The following TMEM108 variants were observed in gnomAD, a reference collection of about 807,000 sequenced individuals.
TMEM108 encodes cancer/testis antigen 124.
A neutral mutation model predicts 35.1 loss-of-function variants in TMEM108; 12 were observed. The ratio of observed to expected loss-of-function variants is 0.34; its 90% CI spans 0.22 to 0.55. The LOEUF (loss-of-function observed/expected upper bound fraction) is 0.55, where lower values mean the gene tolerates loss of function less well. Among genes scored for constraint, TMEM108 ranks in the 20% least tolerant of loss-of-function variants. The probability of loss-of-function intolerance (pLI) is 0.89; values close to 1 mark genes in which losing one functional copy is unlikely to be tolerated. For synonymous variants in TMEM108, 287 were observed against 308.6 expected (o/e 0.93, Z 0.73); for missense variants, 680 against 753.3 (o/e 0.90, Z 1.14).
chr3:133,145,791 C>T (rs1944711157), intron 2 of TMEM108, among the ~76,000 whole-genome samples: 1 of 152,130 alleles, frequency 6.6e-6, no homozygotes, highest in South Asian at 2.1e-4. Flanking sequence ...TATAGGAATG[C>T]TTGTGATTTT....
At chr3:133,279,551 C>T (rs948566754) in intron 3 of TMEM108, among the ~76,000 whole-genome samples, 1 of 152,158 alleles carries the variant, frequency 6.6e-6, no homozygotes, top group Admixed American at 6.5e-5. Context: ...TGCTCTACTT[C>T]GGGCCATCCC....
rs946773026 is a variant in TMEM108, at chr3:133,167,385, C to T, written c.-46-61881C>T. On this transcript the variant is annotated intron_variant, in intron 2 of 5. Transcript: ENST00000321871. ...CATGGGCAGAGCTGCCTGCCAGTCC[C>T]GCGCTGTGCGCCCGCACTCCTCAGC... Among the ~76,000 whole-genome samples the T allele has an allele frequency of 4.6e-5, 7 of 152,390 alleles. No individual in the cohort carries two copies. The East Asian group carries it at 7.7e-4, about 17-fold the overall frequency.
At chr3:133,212,987 A>G (rs1015665483) in intron 2 of TMEM108, among the ~76,000 whole-genome samples, 2 of 152,156 alleles carry the variant, frequency 1.3e-5, no homozygotes, top group Non-Finnish European at 2.9e-5. Flanking sequence ...CATCTGTATC[A>G]AAAGAATTTG....
At chr3:133,296,050 C>G (rs891380829) in intron 3 of TMEM108, among the ~76,000 whole-genome samples, 5 of 152,150 alleles carry the variant, frequency 3.3e-5, no homozygotes, top group African/African-American at 4.8e-5. Context: ...AAAAAAGTAT[C>G]CTTGTCTTGT....
chr3:133,064,017 A>C (rs1943566600), intron 2 of TMEM108, among the ~76,000 whole-genome samples: 1 of 152,144 alleles, frequency 6.6e-6, no homozygotes, highest in Non-Finnish European at 1.5e-5. Context: ...AGGATCCTTC[A>C]TTCATTTATT....
intron 2 of TMEM108, among the ~76,000 whole-genome samples, chr3:133,093,537 G>A (rs1943974646): frequency 6.6e-6 from 1 of 152,094 alleles, no homozygotes; most frequent in African/African-American, 2.4e-5. Flanking sequence ...GTATTTCTCT[G>A]GGCTAGTTCC....
chr3:133,374,601 A>G (rs1172460603), intron 3 of TMEM108, among the ~76,000 whole-genome samples: 2 of 151,542 alleles, frequency 1.3e-5, no homozygotes, highest in East Asian at 3.9e-4. Context: ...GTTTTTATAT[A>G]CATAATTTTT....
intron 2 of TMEM108, among the ~76,000 whole-genome samples, chr3:133,195,075 T>C (rs963248571): frequency 6.6e-6 from 1 of 152,194 alleles, no homozygotes; most frequent in African/African-American, 2.4e-5. Context: ...ATCCTGAATT[T>C]TTTCACATTT....
chr3:133,320,331 A>G (rs2071250998), intron 3 of TMEM108, among the ~76,000 whole-genome samples: 1 of 151,870 alleles, frequency 6.6e-6, no homozygotes, highest in Admixed American at 6.6e-5. Context: ...TCATAAAGAA[A>G]AAAAAAACAA....
At chr3:133,385,401 T>G (rs1576541131) in intron 4 of TMEM108, among the ~76,000 whole-genome samples, 2 of 152,150 alleles carry the variant, frequency 1.3e-5, no homozygotes, top group Admixed American at 6.5e-5. Context: ...ACTTCATGGC[T>G]TCTCCCCAAG....
chr3:133,074,648 C>G (rs1489267186), intron 2 of TMEM108, among the ~76,000 whole-genome samples: 1 of 152,152 alleles, frequency 6.6e-6, no homozygotes, highest in Admixed American at 6.5e-5. Flanking sequence ...GCTACCACAC[C>G]CAGCTAATTT....
intron 2 of TMEM108, among the ~76,000 whole-genome samples, chr3:133,130,775 A>G (rs896320221): frequency 2.0e-5 from 3 of 152,318 alleles, no homozygotes; most frequent in Non-Finnish European, 4.4e-5. Context: ...ACGAGATTGC[A>G]GGTAATGTGC....
At chr3:133,295,222 A>G (rs191283665) in intron 3 of TMEM108, among the ~76,000 whole-genome samples, 16 of 152,316 alleles carry the variant, frequency 1.1e-4, no homozygotes, top group African/African-American at 3.6e-4. Flanking sequence ...CAGAAACTAG[A>G]AAAAGTTTGC....
chr3:133,201,929 G>A lies in TMEM108; in HGVS notation c.-46-27337G>A, dbSNP rs149268427. 3.3e-3 allele frequency among the ~76,000 whole-genome samples: 510 copies of A among 152,254 alleles called. 3 individuals carry two copies. Among genetic ancestry groups the A allele is most frequent in the African/African-American group, 0.011 (472 of 41,546 alleles). ...ACACTCCCACCAATGGTTTAAAAGC[G>A]TTCCTATTTTTCCACGTCCTCTCCA... On this transcript the variant is annotated intron_variant, in intron 2 of 5. Transcript: ENST00000321871.
chr3:133,222,538 A>C (rs1423943962), intron 2 of TMEM108, among the ~76,000 whole-genome samples: 7 of 151,836 alleles, frequency 4.6e-5, no homozygotes, highest in Non-Finnish European at 7.4e-5. Context: ...TTGTTGCTCC[A>C]CTAATCCCAT....
intron 2 of TMEM108, among the ~76,000 whole-genome samples, chr3:133,199,505 A>G (rs1299330903): frequency 2.0e-5 from 3 of 152,204 alleles, no homozygotes; most frequent in Admixed American, 6.5e-5. Context: ...TCCTTCTAAC[A>G]GTCAGGACCC....
At chr3:133,379,348 G>C (rs1267545912) in intron 3 of TMEM108, among the ~76,000 whole-genome samples, 1 of 152,232 alleles carries the variant, frequency 6.6e-6, no homozygotes, top group Non-Finnish European at 1.5e-5. Context: ...CTTCCCCACA[G>C]GCAAGCTGTC....
At chr3:133,268,298 T>C (rs1419933625) in intron 3 of TMEM108, among the ~76,000 whole-genome samples, 2 of 152,206 alleles carry the variant, frequency 1.3e-5, no homozygotes, top group Non-Finnish European at 2.9e-5. Flanking sequence ...AGGGCAGTTG[T>C]GGCATAGAAA....
chr3:133,138,871 G>A (rs902225022), intron 2 of TMEM108, among the ~76,000 whole-genome samples: 1 of 151,850 alleles, frequency 6.6e-6, no homozygotes, highest in Non-Finnish European at 1.5e-5. Flanking sequence ...CCATCAACCC[G>A]TGTTCATCTA....
Sources: allele counts gnomAD v4.1 joint callset (sites outside exome capture counted in the v4.1 genomes callset), GRCh38; gene constraint gnomAD v4.1.1; transcripts MANE v1.5; gene names NCBI Gene and HGNC (gene_info 2026-07-23, HGNC 2026-07-21).